Variants in ANKIB1 observed in about 807,000 individuals in gnomAD.
ANKIB1 encodes the protein ankyrin repeat and IBR domain-containing protein 1.
ANKIB1 carries 43 observed loss-of-function variants against 122.1 expected under a neutral mutation model. The observed-to-expected ratio is 0.35, with a 90% confidence interval of 0.28 to 0.45. The LOEUF is 0.45. Among genes scored for constraint, ANKIB1 ranks in the 20% least tolerant of loss-of-function variants. ANKIB1 has a pLI of 1.00. For synonymous variants in ANKIB1, 390 were observed against 442.0 expected (o/e 0.88, Z 1.48); for missense variants, 992 against 1,329.5 (o/e 0.75, Z 3.95).
chr7:92,368,918 T>C (rs1411556727), intron 10 of ANKIB1, among the ~76,000 whole-genome samples: 2 of 152,178 alleles, frequency 1.3e-5, no homozygotes, highest in South Asian at 2.1e-4. Flanking sequence ...AAGAAAAAAC[T>C]GTTATGTTGC....
At chr7:92,367,729 G>C (rs1230349670) in intron 10 of ANKIB1, among the ~76,000 whole-genome samples, 1 of 152,160 alleles carries the variant, frequency 6.6e-6, no homozygotes, top group African/African-American at 2.4e-5. Flanking sequence ...AATAGCCTCT[G>C]TTGTGTCTAA....
In ANKIB1 at chr7:92,388,957, G is replaced by A. The variant is rs192231961; in HGVS notation, c.1906+916G>A. Among the ~76,000 whole-genome samples the A allele has an allele frequency of 2.4e-3, 362 of 152,120 alleles. 2 individuals are homozygous for A. Among genetic ancestry groups the A allele is most frequent in the African/African-American group, 8.2e-3 (340 of 41,510 alleles). On this transcript the variant is annotated intron_variant, in intron 14 of 19. Coordinates refer to ENST00000265742, the MANE Select transcript of ANKIB1 (RefSeq NM_019004.2). Reference sequence around the variant, plus strand: ...TGAAGTATTGTCCACAGTATAAATTGAGAGGAAAAAAGTCCTCACAAGTCG... The same window carrying A: ...TGAAGTATTGTCCACAGTATAAATTAAGAGGAAAAAAGTCCTCACAAGTCG...
At chr7:92,333,690 G>A (rs375885369) in intron 5 of ANKIB1, among the ~76,000 whole-genome samples, 53 of 152,174 alleles carry the variant, frequency 3.5e-4, no homozygotes, top group African/African-American at 1.2e-3. Flanking sequence ...TTGTATGCCC[G>A]CTACCTGACA....
chr7:92,289,838 G>A (rs1228383289), intron 1 of ANKIB1, among the ~76,000 whole-genome samples: 1 of 152,084 alleles, frequency 6.6e-6, no homozygotes, highest in East Asian at 1.9e-4. Flanking sequence ...TCCTTTGAAA[G>A]TTAAGTCTGG....
chr7:92,323,357 G>C (rs149755003), intron 4 of ANKIB1, among the ~76,000 whole-genome samples: 1 of 152,146 alleles, frequency 6.6e-6, no homozygotes, highest in African/African-American at 2.4e-5. Flanking sequence ...CGTGTAAATT[G>C]ACTGTTCAGT....
At chr7:92,357,832 G>C (rs1472688968) in intron 9 of ANKIB1, among the ~76,000 whole-genome samples, 1 of 151,728 alleles carries the variant, frequency 6.6e-6, no homozygotes, top group Non-Finnish European at 1.5e-5. Flanking sequence ...TCTTCCCTAC[G>C]TTGATCATCT....
intron 1 of ANKIB1, among the ~76,000 whole-genome samples, chr7:92,267,084 A>G (rs1213417100): frequency 2.0e-5 from 3 of 152,210 alleles, no homozygotes; most frequent in Admixed American, 2.0e-4. Context: ...TTGAAGAGCA[A>G]ATGGGAAATG....
rs187593909 is a variant in ANKIB1, at chr7:92,384,738, C to T, written c.1618-1771C>T. ...TACACCTTATACAAAAATTAATTCACGATGCATTAAAGACTTAACTATTAG... is the reference window on the plus strand; with the variant it reads ...TACACCTTATACAAAAATTAATTCATGATGCATTAAAGACTTAACTATTAG... On this transcript the variant is annotated intron_variant, in intron 11 of 19. Transcript: ENST00000265742. Among the ~76,000 whole-genome samples the T allele has an allele frequency of 3.6e-4, 54 of 151,866 alleles. 1 individual carries two copies. Among genetic ancestry groups the T allele is most frequent in the Non-Finnish European group, 5.9e-4 (40 of 67,886 alleles).
rs369834494 is a variant in ANKIB1, at chr7:92,351,006, A to T, written c.1142A>T (p.Tyr381Phe). ...GCTCACAACATTTTTTGCCCTGCAT[A>T]TGATTGCTTCCAACTTGTACCTGTG... Reference protein sequence around the residue: ...GEAHNIFCPAYDCFQLVPVDI... With the variant: ...GEAHNIFCPAFDCFQLVPVDI... The change falls in exon 8 of 20, where the codon TAT (tyrosine) becomes TTT (phenylalanine). Residue 381 changes from tyrosine to phenylalanine, a missense_variant. Around this residue, in one of 4 missense-constraint regions of ANKIB1, gnomAD observed 521 missense variants for 777.7 expected, o/e 0.67. Transcript: ENST00000265742. 13 of 1,606,352 alleles carry T rather than the reference A, an allele frequency of 8.1e-6. No homozygotes were observed. The highest frequency in any genetic ancestry group is 6.7e-5 in the African/African-American group (5 of 74,840).
chr7:92,284,177 A>C (rs1046126652), intron 1 of ANKIB1, among the ~76,000 whole-genome samples: 8 of 152,242 alleles, frequency 5.3e-5, no homozygotes, highest in African/African-American at 1.9e-4. Flanking sequence ...GCACTCAAGC[A>C]GAGTTTTTTT....
chr7:92,331,243 A>G (rs1017965143), intron 5 of ANKIB1, among the ~76,000 whole-genome samples: 12 of 150,566 alleles, frequency 8.0e-5, no homozygotes, highest in Non-Finnish European at 1.8e-4. Context: ...TGACTGGAAC[A>G]TTGCCATCTT....
At chr7:92,314,759 A>C (rs1169273140) in intron 3 of ANKIB1, among the ~76,000 whole-genome samples, 1 of 152,228 alleles carries the variant, frequency 6.6e-6, no homozygotes, top group East Asian at 1.9e-4. Flanking sequence ...GCATGGCTGC[A>C]CAGAAACCTC....
chr7:92,304,763 A>G (rs1802524685), intron 2 of ANKIB1, among the ~76,000 whole-genome samples: 1 of 152,198 alleles, frequency 6.6e-6, no homozygotes. Context: ...CTATAATTCA[A>G]TCATAAATAC....
intron 1 of ANKIB1, among the ~76,000 whole-genome samples, chr7:92,275,949 A>G (rs1801893812): frequency 1.3e-5 from 2 of 152,178 alleles, no homozygotes; most frequent in Admixed American, 1.3e-4. Flanking sequence ...ATAACCCACA[A>G]TAAGTAATTT....
At chr7:92,378,203 T>A (rs1212145597) in intron 11 of ANKIB1, among the ~76,000 whole-genome samples, 1 of 152,158 alleles carries the variant, frequency 6.6e-6, no homozygotes, top group African/African-American at 2.4e-5. Context: ...CTGGAATGCT[T>A]GGAACTGGAA....
chr7:92,362,355 T>C (rs1393175485), intron 10 of ANKIB1, 82 bp downstream of exon 10: 8 of 1,311,094 alleles, frequency 6.1e-6, no homozygotes. Flanking sequence ...TTTTAGTCTT[T>C]ATTTAAGAGG....
At chr7:92,361,178 A>T (rs1803937854) in intron 9 of ANKIB1, among the ~76,000 whole-genome samples, 1 of 152,222 alleles carries the variant, frequency 6.6e-6, no homozygotes, top group African/African-American at 2.4e-5. Context: ...ATCATCTTGA[A>T]TTAAAATGGC....
chr7:92,271,183 G>A (rs982478951), intron 1 of ANKIB1, among the ~76,000 whole-genome samples: 1 of 151,744 alleles, frequency 6.6e-6, no homozygotes, highest in Non-Finnish European at 1.5e-5. Context: ...TCCCCATGTG[G>A]ATGTCTAGTA....
chr7:92,288,980 A>G (rs922057868), intron 1 of ANKIB1, among the ~76,000 whole-genome samples: 1 of 152,174 alleles, frequency 6.6e-6, no homozygotes, highest in Admixed American at 6.5e-5. Flanking sequence ...TAAACATATG[A>G]CTTAGTACAT....
Sources: gnomAD v4.1 joint callset for allele counts (sites outside exome capture counted in the v4.1 genomes callset) on GRCh38, gnomAD v4.1.1 for gene constraint, gnomAD v4.1.1 regional missense constraint, MANE v1.5 for transcripts, NCBI Gene and HGNC (gene_info 2026-07-23, HGNC 2026-07-21) for gene names.